Variants in MRE11 observed in about 807,000 individuals in gnomAD.
The protein encoded by MRE11 is MRE11 double strand break repair nuclease, also known as double-strand break repair protein MRE11.
In MRE11, 62 loss-of-function variants were observed where a neutral mutation model predicts 91.7. The ratio of observed to expected loss-of-function variants is 0.68; its 90% CI spans 0.55 to 0.84. The LOEUF is 0.84. MRE11 is among the 40% of genes least tolerant of loss of function. MRE11 has a pLI of 0.00. For synonymous variants in MRE11, 273 were observed against 271.4 expected (o/e 1.01, Z -0.06); for missense variants, 796 against 852.9 (o/e 0.93, Z 0.83).
At chr11:94,430,109 A>G in intron 18 of MRE11, 123 bp from the exon 19 acceptor site, 1 of 930,574 alleles carries the variant, frequency 1.1e-6, no homozygotes, top group Non-Finnish European at 1.7e-6. Context: ...ATTCCCTTAA[A>G]ATCTACATTA....
At chr11:94,501,917 G>A in the MRE11 span, among the ~76,000 whole-genome samples, 5 of 151,866 alleles carry the variant, frequency 3.3e-5, no homozygotes, top group Admixed American at 6.6e-5. Context: ...GAAATACATC[G>A]AAATCATATT....
chr11:94,464,374 T>A lies in MRE11; in HGVS notation c.1099-135A>T, dbSNP rs1256899902. 6 of 1,189,742 alleles carry A rather than the reference T, an allele frequency of 5.0e-6. No individual in the cohort carries two copies. The East Asian group carries it at 1.5e-4, about 29-fold the overall frequency. The allele number at this position is 1,189,742 out of a possible 1,614,324, so 73.7% of individuals were successfully genotyped here. A position where few individuals can be genotyped will look rare whatever the true frequency, so the allele number is the denominator to read the frequency against. ...TTATGAATTAATTTTCTACAGTAGA[T>A]CATGATGGAGCTATATCATTTATCC... On this transcript the variant is annotated intron_variant, in intron 10 of 19. Transcript: ENST00000323929.
chr11:94,450,415 G>C (rs1294911096), intron 14 of MRE11, among the ~76,000 whole-genome samples: 1 of 152,102 alleles, frequency 6.6e-6, no homozygotes, highest in Non-Finnish European at 1.5e-5. Context: ...AGATCTAATT[G>C]ATAAATGTTG....
chr11:94,447,307 T>A lies in MRE11; in HGVS notation c.1695A>T (p.Ala565=). The A allele has an allele frequency of 6.2e-7, 1 of 1,614,122 alleles. No individual in the cohort carries two copies. Among genetic ancestry groups the A allele is most frequent in the Non-Finnish European group, 8.5e-7 (1 of 1,180,026 alleles). Residue 565 remains alanine, a synonymous_variant, in exon 15 of 20, where the codon GCA becomes GCT. Transcript: ENST00000323929. The part of the protein sequence containing the change: ...ANDSDDSISA[A]TNKGRGRGRG... ...TTCCTCGGCCTCTTCCTTTGTTGGTTGCTGCTGAGATGCTATCATCAGAGT... is the reference window on the plus strand; with the variant it reads ...TTCCTCGGCCTCTTCCTTTGTTGGTAGCTGCTGAGATGCTATCATCAGAGT...
chr11:94,505,585 A>G, the MRE11 span, among the ~76,000 whole-genome samples: 2 of 152,240 alleles, frequency 1.3e-5, no homozygotes, highest in African/African-American at 4.8e-5. Flanking sequence ...TTTAAAAATT[A>G]AGTTTATAAA....
At chr11:94,462,752 T>G (rs1243566032) in intron 11 of MRE11, among the ~76,000 whole-genome samples, 1 of 152,186 alleles carries the variant, frequency 6.6e-6, no homozygotes, top group African/African-American at 2.4e-5. Flanking sequence ...ACTGGATCCC[T>G]TCCTTACACC....
In MRE11 at chr11:94,464,150, GATA is replaced by G; in HGVS notation, c.1185_1187del (p.Ile396del). ...TTTGTTCTCTATGCCTGAAAAAATG[GATA>G]ATGTCTTTTGGATTAGCTACCCGAT... On this transcript the variant is annotated inframe_deletion, in exon 11 of 20. Coordinates refer to ENST00000323929, the MANE Select transcript of MRE11 (RefSeq NM_005591.4). 6.2e-7 allele frequency: 1 copy of G among 1,613,762 alleles called. No individual in the cohort carries two copies. The highest frequency in any genetic ancestry group is 1.1e-5 in the South Asian group (1 of 91,066).
intron 17 of MRE11, 64 bp downstream of exon 17, chr11:94,437,113 T>C (rs916460380): frequency 5.8e-6 from 8 of 1,376,590 alleles, no homozygotes; most frequent in Non-Finnish European, 7.1e-6. Context: ...AATCAGAGAG[T>C]TGACAATTCA....
chr11:94,417,827 G>A lies in MRE11; in HGVS notation c.*2298C>T, dbSNP rs1008826665. The A allele has an allele frequency of 6.9e-5, 16 of 233,028 alleles. No homozygotes were observed. Among genetic ancestry groups the A allele is most frequent in the Middle Eastern group, 2.5e-3 (2 of 786 alleles). The allele number at this position is 233,028 out of a possible 1,614,324, so 14.4% of individuals were successfully genotyped here. ...TGAATTAAAGGTCACATTCCTAAAT[G>A]CTTGAATTTTCTAAGCACCACTTAT... On this transcript the variant is annotated 3_prime_UTR_variant, in exon 20 of 20. Coordinates refer to ENST00000323929, the MANE Select transcript of MRE11 (RefSeq NM_005591.4).
At chr11:94,474,695 C>T (rs947035555) in intron 7 of MRE11, among the ~76,000 whole-genome samples, 1 of 152,116 alleles carries the variant, frequency 6.6e-6, no homozygotes, top group Non-Finnish European at 1.5e-5. Context: ...GGGAACTTTA[C>T]AGCAGAGAAA....
chr11:94,478,882 C>T lies in MRE11; in HGVS notation c.403-6G>A, dbSNP rs535801. The T allele has an allele frequency of 0.31, 499,310 of 1,611,268 alleles. 79,257 individuals carry two copies. Among genetic ancestry groups the T allele is most frequent in the Admixed American group, 0.41 (24,734 of 59,946 alleles). On this transcript the variant is annotated splice_polypyrimidine_tract_variant and splice_region_variant and intron_variant, in intron 5 of 19. Coordinates refer to ENST00000323929, the MANE Select transcript of MRE11 (RefSeq NM_005591.4). Reference sequence around the variant, plus strand: ...AAGGCACAAAGTGCATCTGCCTATGCAAAATAATTTCAAAGAATGTTAGTG... The same window carrying T: ...AAGGCACAAAGTGCATCTGCCTATGTAAAATAATTTCAAAGAATGTTAGTG...
chr11:94,455,678 A>T (rs1181437986), intron 14 of MRE11, among the ~76,000 whole-genome samples: 3 of 152,314 alleles, frequency 2.0e-5, no homozygotes, highest in South Asian at 4.1e-4. Context: ...TTTAGAATAG[A>T]TAATAGAAAT....
intron 6 of MRE11, among the ~76,000 whole-genome samples, chr11:94,476,979 C>A (rs1186638431): frequency 6.6e-6 from 1 of 152,168 alleles, no homozygotes; most frequent in Non-Finnish European, 1.5e-5. Flanking sequence ...CTTGGCCTCC[C>A]AAAGTGCTGA....
chr11:94,443,742 T>A (rs1022245937), intron 16 of MRE11, among the ~76,000 whole-genome samples: 74 of 152,114 alleles, frequency 4.9e-4, no homozygotes, highest in African/African-American at 1.7e-3. Flanking sequence ...AGAGAAGACA[T>A]AGCTTTCATC....
chr11:94,459,604 T>G (rs1208112353), intron 12 of MRE11, 23 bp from the exon 13 acceptor site: 3 of 1,610,264 alleles, frequency 1.9e-6, no homozygotes, highest in Non-Finnish European at 1.7e-6. Context: ...AATCACTGGA[T>G]GCAGAAATAG....
rs1418567615 is a variant in MRE11, at chr11:94,471,745, C to T, written c.674G>A (p.Ser225Asn). Residue 225 changes from serine (S) to asparagine (N), a missense_variant, in exon 8 of 20, where the codon AGT becomes AAT. Coordinates refer to ENST00000323929, the MANE Select transcript of MRE11 (RefSeq NM_005591.4). ...VIHQNRSKHG[S>N]TNFIPEQFLD... ...AAATTGTTCTGGAATGAAGTTAGTA[C>T]TTCCATGTTTACTCCTGTATCAAGA... 2 of 1,611,204 alleles carry T rather than the reference C, an allele frequency of 1.2e-6. No individual in the cohort carries two copies. The highest frequency in any genetic ancestry group is 1.3e-5 in the African/African-American group (1 of 74,822).
the MRE11 span, among the ~76,000 whole-genome samples, chr11:94,502,415 A>G: frequency 6.6e-6 from 1 of 152,208 alleles, no homozygotes; most frequent in African/African-American, 2.4e-5. Context: ...TATTATCTGT[A>G]TACCACCAGT....
At chr11:94,456,470 T>C in intron 13 of MRE11, 132 bp from the exon 14 acceptor site, 1 of 723,992 alleles carries the variant, frequency 1.4e-6, no homozygotes, top group Non-Finnish European at 2.3e-6. Flanking sequence ...CAAAAGTAAA[T>C]CATATTTTTC....
rs1946371890 is a variant in MRE11 at position 94,459,935 on chromosome 11, T to TACA, written c.1327-355_1327-354insTGT. Among the ~76,000 whole-genome samples the TACA allele has an allele frequency of 5.9e-5, 9 of 152,274 alleles. No individual in the cohort carries two copies. The South Asian group carries it at 1.7e-3, about 28-fold the overall frequency. On this transcript the variant is annotated intron_variant, in intron 12 of 19. Transcript: ENST00000323929. The stretch of plus-strand genomic sequence containing the variant: ...AATACATGGCAAAGAGGAACAAAGG[T>TACA]TGCTAATCAGCTGTCTGTAAAATAG...
Sources: gnomAD v4.1 joint callset for allele counts (sites outside exome capture counted in the v4.1 genomes callset) on GRCh38, gnomAD v4.1.1 for gene constraint, MANE v1.5 for transcripts, NCBI Gene and HGNC (gene_info 2026-07-23, HGNC 2026-07-21) for gene names.